The following HECW2 variants were observed in gnomAD, a reference collection of about 807,000 sequenced individuals.
The protein encoded by HECW2 is HECT, C2 and WW domain containing E3 ubiquitin protein ligase 2.
Under a neutral mutation model 175.2 loss-of-function variants are expected in HECW2, and 61 were observed. The ratio of observed to expected loss-of-function variants is 0.35; its 90% CI spans 0.28 to 0.43. The LOEUF (loss-of-function observed/expected upper bound fraction) is 0.43, where lower values mean the gene tolerates loss of function less well. Ranked by LOEUF, HECW2 falls within the 20% of genes least tolerant of loss-of-function variation. The pLI is 1.00. For missense variants in HECW2, 1,524 were observed against 2,000.5 expected (o/e 0.76, Z 4.54); for synonymous variants, 671 against 731.0 (o/e 0.92, Z 1.32).
intron 1 of HECW2, among the ~76,000 whole-genome samples, chr2:196,498,221 G>GT (rs1317335735): frequency 2.0e-5 from 3 of 152,050 alleles, no homozygotes; most frequent in East Asian, 1.9e-4. Context: ...TCAGAGCCTG[G>GT]TTTTTTTCAC....
At chr2:196,267,054 C>T (rs1177563437) in intron 17 of HECW2, among the ~76,000 whole-genome samples, 1 of 152,128 alleles carries the variant, frequency 6.6e-6, no homozygotes, top group Non-Finnish European at 1.5e-5. Flanking sequence ...CAGATCATGT[C>T]CTCATGGTGA....
chr2:196,534,922 G>A (rs1688966492), intron 1 of HECW2, among the ~76,000 whole-genome samples: 1 of 152,008 alleles, frequency 6.6e-6, no homozygotes, highest in African/African-American at 2.4e-5. Flanking sequence ...CATCTTAATG[G>A]AGAAATTTTT....
At position 196,318,675 on chromosome 2, in the gene HECW2, G is replaced by T; in HGVS notation, c.2215C>A (p.Arg739=). 6.3e-7 allele frequency: 1 copy of T among 1,597,024 alleles called. No individual in the cohort carries two copies. The highest frequency in any genetic ancestry group is 1.7e-5 in the Admixed American group (1 of 57,544). ...GCAGCTCCCTCCAGGCTCCCCCTCC[G>T]CTGCCAGACCTCCCCCAGCTCCTCC... ...DQEELGEVWQ[R]RGSLEGAAAA... is the part of the protein sequence containing the mutation. The change falls in exon 9 of 29, where the codon CGG becomes AGG. Residue 739 remains arginine, a synonymous_variant. Coordinates refer to ENST00000644978, the MANE Select transcript of HECW2 (RefSeq NM_001348768.2).
chr2:196,522,009 G>A (rs1262685000), intron 1 of HECW2, among the ~76,000 whole-genome samples: 4 of 152,136 alleles, frequency 2.6e-5, no homozygotes, highest in East Asian at 3.9e-4. Context: ...GTAATGGGAT[G>A]GCTGGGTCAA....
intron 2 of HECW2, among the ~76,000 whole-genome samples, chr2:196,386,165 C>T (rs925935078): frequency 6.6e-6 from 1 of 152,184 alleles, no homozygotes; most frequent in Non-Finnish European, 1.5e-5. Context: ...AAGAAAACCA[C>T]CTGCCCTCAT....
intron 1 of HECW2, among the ~76,000 whole-genome samples, chr2:196,503,725 T>G (rs1483159421): frequency 2.6e-5 from 4 of 152,188 alleles, no homozygotes; most frequent in Admixed American, 6.5e-5. Flanking sequence ...GGAAAGCAAC[T>G]GATGTTTATT....
chr2:196,431,332 T>C (rs2125267602), intron 2 of HECW2, among the ~76,000 whole-genome samples: 1 of 152,324 alleles, frequency 6.6e-6, no homozygotes. Flanking sequence ...TCCTTCCTGA[T>C]TAAATTTAGA....
chr2:196,279,317 G>C (rs1690100268), intron 14 of HECW2, among the ~76,000 whole-genome samples: 2 of 152,104 alleles, frequency 1.3e-5, no homozygotes, highest in Non-Finnish European at 2.9e-5. Flanking sequence ...CAAAGTGCTG[G>C]GATTACAGGC....
At chr2:196,464,598 T>C (rs1432787480) in intron 1 of HECW2, among the ~76,000 whole-genome samples, 1 of 152,126 alleles carries the variant, frequency 6.6e-6, no homozygotes, top group Non-Finnish European at 1.5e-5. Flanking sequence ...ATTCAGTCTA[T>C]AATTATCCCA....
intron 1 of HECW2, among the ~76,000 whole-genome samples, chr2:196,502,726 T>C (rs915978595): frequency 1.3e-5 from 2 of 152,140 alleles, no homozygotes; most frequent in Non-Finnish European, 2.9e-5. Flanking sequence ...TAAGAGCAAC[T>C]ATGGACGGTC....
At chr2:196,397,242 T>A (rs2125195849) in intron 2 of HECW2, among the ~76,000 whole-genome samples, 1 of 152,386 alleles carries the variant, frequency 6.6e-6, no homozygotes, top group South Asian at 2.1e-4. Flanking sequence ...GACACTGCTG[T>A]GTGTCCCTGC....
intron 1 of HECW2, among the ~76,000 whole-genome samples, chr2:196,514,291 C>T (rs1688065614): frequency 6.6e-6 from 1 of 152,232 alleles, no homozygotes; most frequent in South Asian, 2.1e-4. Flanking sequence ...CACCTGTCCC[C>T]TGCCGCCTCT....
rs2105777162 is a variant in HECW2, at chr2:196,324,965, C to T, written c.741+15G>A. 1 of 1,547,990 alleles carries T rather than the reference C, an allele frequency of 6.5e-7. No homozygotes were observed. The highest frequency in any genetic ancestry group is 8.7e-7 in the Non-Finnish European group (1 of 1,151,314). ...TCCTCACCATCAAGTAGGAGACCCC[C>T]GAGGATCATCTTACCTCTCGGTGCC... On this transcript the variant is annotated intron_variant, in intron 6 of 28. Coordinates refer to ENST00000644978, the MANE Select transcript of HECW2 (RefSeq NM_001348768.2).
chr2:196,319,129 T>G lies in HECW2; in HGVS notation c.1761A>C (p.Ala587=). ...TSGADTGTSD[A]SGGSRRAVSE... The stretch of plus-strand genomic sequence containing the variant: ...TGACGGCTCTTCGGCTTCCTCCTGA[T>G]GCATCGGAAGTCCCTGTGTCTGCGC... The change falls in exon 9 of 29, where the codon GCA becomes GCC. Residue 587 remains alanine (A), a synonymous_variant. Coordinates refer to ENST00000644978, the MANE Select transcript of HECW2 (RefSeq NM_001348768.2). 6.3e-7 allele frequency: 1 copy of G among 1,594,222 alleles called. No individual in the cohort carries two copies. The highest frequency in any genetic ancestry group is 8.5e-7 in the Non-Finnish European group (1 of 1,169,850).
rs116597113 is a variant in HECW2, at chr2:196,274,656, C to T, written c.3136-533G>A. On this transcript the variant is annotated intron_variant, in intron 15 of 28. Coordinates refer to ENST00000644978, the MANE Select transcript of HECW2 (RefSeq NM_001348768.2). ...TATTATCTCCTCAGGAGCAATTCTC[C>T]ATGCCTATTAGAACACCTGGTACAA... Among the ~76,000 whole-genome samples the T allele has an allele frequency of 5.3e-3, 800 of 152,292 alleles. 2 individuals carry two copies. Among genetic ancestry groups the T allele is most frequent in the African/African-American group, 0.018 (735 of 41,556 alleles).
chr2:196,329,473 T>C, intron 5 of HECW2, 102 bp downstream of exon 5: 1 of 870,744 alleles, frequency 1.1e-6, no homozygotes, highest in South Asian at 1.5e-5. Flanking sequence ...CTAGTTCACA[T>C]ATCATCATAT....
At chr2:196,533,548 C>A (rs1390016556) in intron 1 of HECW2, among the ~76,000 whole-genome samples, 1 of 152,120 alleles carries the variant, frequency 6.6e-6, no homozygotes, top group Non-Finnish European at 1.5e-5. Context: ...TTGCAGGCTG[C>A]AGGATGGAAG....
At chr2:196,529,292 C>T (rs1438712195) in intron 1 of HECW2, among the ~76,000 whole-genome samples, 2 of 152,152 alleles carry the variant, frequency 1.3e-5, no homozygotes, top group African/African-American at 4.8e-5. Context: ...ATGTTGCCAT[C>T]TCCCTTCACA....
chr2:196,458,822 C>T (rs1162608949), intron 1 of HECW2, among the ~76,000 whole-genome samples: 1 of 152,178 alleles, frequency 6.6e-6, no homozygotes, highest in Non-Finnish European at 1.5e-5. Flanking sequence ...GCCGAGATTG[C>T]ACTACTACAC....
Sources: allele counts gnomAD v4.1 joint callset (sites outside exome capture counted in the v4.1 genomes callset), GRCh38; gene constraint gnomAD v4.1.1; transcripts MANE v1.5; gene names NCBI Gene and HGNC (gene_info 2026-07-23, HGNC 2026-07-21).